Variants in SHB observed in about 807,000 individuals in gnomAD.
The protein encoded by SHB is SH2 domain containing adaptor protein B.
SHB carries 20 observed loss-of-function variants against 52.3 expected under a neutral mutation model. The observed-to-expected ratio is 0.38, with a 90% confidence interval of 0.27 to 0.56. SHB has a LOEUF of 0.56. Among genes scored for constraint, SHB ranks in the 20% least tolerant of loss-of-function variants. The pLI, the probability that SHB is intolerant of heterozygous loss-of-function variation, is 0.71. For missense variants in SHB, 825 were observed against 723.3 expected (o/e 1.14, Z -1.61); for synonymous variants, 397 against 316.5 (o/e 1.25, Z -2.70).
chr9:37,951,325 A>G (rs946298144), intron 4 of SHB, among the ~76,000 whole-genome samples: 1 of 152,244 alleles, frequency 6.6e-6, no homozygotes, highest in Non-Finnish European at 1.5e-5. Flanking sequence ...AGGAATGTGA[A>G]GTTGGGGTAT....
At chr9:38,016,253 A>C in intron 1 of SHB, 122 bp from the exon 2 acceptor site, 1 of 992,030 alleles carries the variant, frequency 1.0e-6, no homozygotes, top group Non-Finnish European at 1.5e-6. Flanking sequence ...CAGGAACTAA[A>C]GCCGGCGCCC....
chr9:37,997,977 C>A (rs1266993055), intron 2 of SHB, among the ~76,000 whole-genome samples: 1 of 152,234 alleles, frequency 6.6e-6, no homozygotes, highest in African/African-American at 2.4e-5. Context: ...TTCTTCCTGG[C>A]TTGTGGTACC....
chr9:37,971,179 G>A (rs1018689609), intron 3 of SHB, among the ~76,000 whole-genome samples: 8 of 152,112 alleles, frequency 5.3e-5, no homozygotes, highest in African/African-American at 1.7e-4. Flanking sequence ...CCAACGACTC[G>A]CTCAAGTGTG....
At chr9:37,932,037 T>G (rs540925017) in intron 5 of SHB, among the ~76,000 whole-genome samples, 4 of 152,072 alleles carry the variant, frequency 2.6e-5, no homozygotes, top group Non-Finnish European at 5.9e-5. Flanking sequence ...GTCCCAGCAC[T>G]TTGGGAGGCC....
chr9:37,930,525 G>T (rs1353901785), intron 5 of SHB, among the ~76,000 whole-genome samples: 1 of 152,180 alleles, frequency 6.6e-6, no homozygotes, highest in African/African-American at 2.4e-5. Flanking sequence ...TCTTGCTAAA[G>T]CACAGTGCTC....
chr9:37,944,818 G>A (rs1366536682), intron 5 of SHB, among the ~76,000 whole-genome samples: 2 of 152,134 alleles, frequency 1.3e-5, no homozygotes, highest in African/African-American at 4.8e-5. Flanking sequence ...GCCTTCTCTT[G>A]AAGGTTCAGG....
intron 3 of SHB, among the ~76,000 whole-genome samples, chr9:37,970,464 A>T (rs1231690936): frequency 1.3e-5 from 2 of 151,962 alleles, no homozygotes; most frequent in African/African-American, 4.8e-5. Context: ...GACTTCCAGA[A>T]ACACTGCCCA....
At chr9:37,952,926 T>G (rs1587209307) in intron 4 of SHB, among the ~76,000 whole-genome samples, 1 of 151,978 alleles carries the variant, frequency 6.6e-6, no homozygotes, top group East Asian at 1.9e-4. Flanking sequence ...AGTCAGGAGC[T>G]CTGGGAGAGG....
intron 1 of SHB, among the ~76,000 whole-genome samples, chr9:38,045,269 G>A (rs554665123): frequency 5.9e-5 from 9 of 152,278 alleles, no homozygotes; most frequent in African/African-American, 2.2e-4. Flanking sequence ...AGCCACATGG[G>A]ATATCAGGTA....
rs898637136 is a variant in SHB, at chr9:37,917,760, A to G, written c.*2061T>C. Among the ~76,000 whole-genome samples the G allele has an allele frequency of 1.3e-5, 2 of 152,240 alleles. No individual in the cohort carries two copies. Among genetic ancestry groups the G allele is most frequent in the African/African-American group, 4.8e-5 (2 of 41,462 alleles). ...CCCTCATTGAGGGATGTTTTAGGAA[A>G]TGCCAAACAGGCAAGGAAAGGATTG... On this transcript the variant is annotated 3_prime_UTR_variant, in exon 6 of 6. Transcript: ENST00000377707.
chr9:38,061,175 G>A (rs1043885391), intron 1 of SHB, among the ~76,000 whole-genome samples: 1 of 152,014 alleles, frequency 6.6e-6, no homozygotes, highest in Non-Finnish European at 1.5e-5. Flanking sequence ...AGTTGGGTGT[G>A]CTGGCGTGTG....
intron 1 of SHB, among the ~76,000 whole-genome samples, chr9:38,036,045 TCATA>T (rs1821482147): frequency 1.3e-5 from 2 of 152,044 alleles, no homozygotes; most frequent in East Asian, 1.9e-4. Context: ...TCGCTCAAGG[TCATA>T]CAGTGAGTCA....
rs369847092 is a variant in SHB at position 37,965,201 on chromosome 9, G to A, written c.1055-9147C>T. 2.6e-5 allele frequency among the ~76,000 whole-genome samples: 4 copies of A among 152,240 alleles called. No homozygotes were observed. The East Asian group carries it at 5.8e-4, about 22-fold the overall frequency. On this transcript the variant is annotated intron_variant, in intron 3 of 5. Transcript: ENST00000377707. The stretch of plus-strand genomic sequence containing the variant: ...GCTGTGAGGGAGGCCAGGAGAGATG[G>A]GGAGTGGAGGTCGGGGGGACAAGCC...
intron 2 of SHB, among the ~76,000 whole-genome samples, chr9:37,984,429 CAGGGAAG>C (rs1055490344): frequency 3.3e-5 from 5 of 152,218 alleles, no homozygotes; most frequent in African/African-American, 1.2e-4. Context: ...GTGAAACACA[CAGGGAAG>C]GTCTCATGTA....
intron 3 of SHB, among the ~76,000 whole-genome samples, chr9:37,970,934 T>C (rs577740753): frequency 6.6e-6 from 1 of 152,048 alleles, no homozygotes; most frequent in Non-Finnish European, 1.5e-5. Context: ...AGTTTCCCCA[T>C]CCAGGCCAAA....
intron 2 of SHB, among the ~76,000 whole-genome samples, chr9:37,987,425 C>T (rs539704336): frequency 6.6e-6 from 1 of 152,290 alleles, no homozygotes; most frequent in East Asian, 1.9e-4. Context: ...CTTAACTGTG[C>T]AGCTATCTAC....
chr9:37,961,897 C>T (rs1341305158), intron 3 of SHB, among the ~76,000 whole-genome samples: 1 of 152,194 alleles, frequency 6.6e-6, no homozygotes, highest in Non-Finnish European at 1.5e-5. Flanking sequence ...GGCCATGTGC[C>T]TCAGTCTCCT....
rs376412419 is a variant in SHB at position 38,068,052 on chromosome 9, G to T, written c.594C>A (p.Asp198Glu). ...VESAAGGGAG[D>E]PLGGACAGGR... ...CGCCCGCGCAGGCGCCCCCCAGGGG[G>T]TCCCCGGCCCCACCGCCCGCGGCGC... Residue 198 changes from aspartate to glutamate, a missense_variant, in exon 1 of 6, where the codon GAC (aspartate) becomes GAA (glutamate). Physicochemically the swap from Asp to Glu is conservative, Grantham distance 45. Transcript: ENST00000377707. 8 of 1,495,590 alleles carry T rather than the reference G, an allele frequency of 5.3e-6. No individual in the cohort carries two copies. The Admixed American group carries it at 1.6e-4, about 31-fold the overall frequency. The allele number at this position is 1,495,590 out of a possible 1,614,324, so 92.6% of individuals were successfully genotyped here.
At chr9:38,015,362 G>A (rs1298958307) in intron 2 of SHB, 10 of 700,544 alleles carry the variant, frequency 1.4e-5, no homozygotes, top group Non-Finnish European at 2.6e-5. Context: ...AGGCCCCCAG[G>A]ATGCTGCATA....
Sources: allele counts gnomAD v4.1 joint callset (sites outside exome capture counted in the v4.1 genomes callset), GRCh38; gene constraint gnomAD v4.1.1; transcripts MANE v1.5; gene names NCBI Gene and HGNC (gene_info 2026-07-23, HGNC 2026-07-21).